Variants in CHLSN observed in about 807,000 individuals in gnomAD.
The protein encoded by CHLSN is protein cholesin.
the CHLSN span, among the ~76,000 whole-genome samples, chr7:1,020,884 G>A: frequency 1.3e-5 from 2 of 152,202 alleles, no homozygotes; most frequent in Non-Finnish European, 2.9e-5. Flanking sequence ...CGTTTGTAAC[G>A]TCCTGATACA....
At chr7:1,041,287 G>GCCGCGGGGAACGGGAC in the CHLSN span, among the ~76,000 whole-genome samples, 1 of 120,778 alleles carries the variant, frequency 8.3e-6, no homozygotes, top group African/African-American at 3.1e-5. Context: ...TGGGCTCCGC[G>GCCGCGGGGAACGGGAC]CTGCGGGGAA....
At chr7:1,033,070 G>A in the CHLSN span, among the ~76,000 whole-genome samples, 48 of 152,324 alleles carry the variant, frequency 3.2e-4, no homozygotes, top group South Asian at 6.2e-4. Flanking sequence ...ACCTCGATAC[G>A]AGGGAACACA....
chr7:1,025,783 G>A, the CHLSN span: 1 of 152,302 alleles, frequency 6.6e-6, no homozygotes, highest in Non-Finnish European at 1.5e-5. Flanking sequence ...GGAAACTCCT[G>A]CATCACCAGC....
chr7:1,062,960 C>G, the CHLSN span, among the ~76,000 whole-genome samples: 1 of 152,200 alleles, frequency 6.6e-6, no homozygotes. Context: ...CCACCCTAAC[C>G]CTAACCCTCA....
chr7:985,835 T>C, the CHLSN span, among the ~76,000 whole-genome samples: 1 of 152,232 alleles, frequency 6.6e-6, no homozygotes, highest in Non-Finnish European at 1.5e-5. Flanking sequence ...GTGTGATACC[T>C]GCATCACGGC....
At chr7:1,060,001 TGTAGTGGGGCGGGTCCG>T in the CHLSN span, among the ~76,000 whole-genome samples, 2 of 12,294 alleles carry the variant, frequency 1.6e-4, no homozygotes, top group East Asian at 7.9e-3. Flanking sequence ...GGGGCGGGTC[TGTAGTGGGGCGGGTCCG>T]TAGTGAAGCG....
At chr7:1,012,261 G>A in the CHLSN span, among the ~76,000 whole-genome samples, 1 of 152,252 alleles carries the variant, frequency 6.6e-6, no homozygotes, top group African/African-American at 2.4e-5. Context: ...ACCCGGACAG[G>A]CCCTGAGCAG....
the CHLSN span, among the ~76,000 whole-genome samples, chr7:1,070,882 A>G: frequency 6.7e-6 from 1 of 148,662 alleles, no homozygotes; most frequent in Admixed American, 6.6e-5. Flanking sequence ...ACACGTGCAC[A>G]TGCACACACG....
chr7:1,127,173 C>G, the CHLSN span: 1 of 1,473,174 alleles, frequency 6.8e-7, no homozygotes, highest in Non-Finnish European at 9.0e-7. Flanking sequence ...CAGAGACCAG[C>G]AGGCTGAGCC....
chr7:1,028,162 G>C, the CHLSN span: 1 of 872,266 alleles, frequency 1.1e-6, no homozygotes, highest in Non-Finnish European at 1.4e-6. Flanking sequence ...GCCTCCCACG[G>C]GAGCGCCCAC....
chr7:1,010,122 C>G, the CHLSN span: 2 of 1,611,974 alleles, frequency 1.2e-6, no homozygotes, highest in Non-Finnish European at 1.7e-6. Flanking sequence ...GCGTCCAGCC[C>G]GGGCCTGAGC....
At chr7:1,085,815 A>G in the CHLSN span, among the ~76,000 whole-genome samples, 1 of 151,910 alleles carries the variant, frequency 6.6e-6, no homozygotes, top group African/African-American at 2.4e-5. Context: ...CCTGGGCAAC[A>G]GAGCAAAATC....
the CHLSN span, among the ~76,000 whole-genome samples, chr7:1,014,502 C>T: frequency 0.017 from 2,577 of 152,366 alleles, 77 homozygotes; most frequent in African/African-American, 0.059. Flanking sequence ...TTCGCCACAA[C>T]ACACTGGCTC....
chr7:1,094,333 C>G, the CHLSN span, among the ~76,000 whole-genome samples: 2 of 152,250 alleles, frequency 1.3e-5, no homozygotes, highest in African/African-American at 2.4e-5. Context: ...CAGAAACCTG[C>G]GCAGGGCGTC....
At chr7:1,034,988 G>A in the CHLSN span, among the ~76,000 whole-genome samples, 1 of 152,220 alleles carries the variant, frequency 6.6e-6, no homozygotes, top group South Asian at 2.1e-4. Context: ...TCTTTTTAAT[G>A]GCTGCATAGT....
the CHLSN span, among the ~76,000 whole-genome samples, chr7:982,100 A>G: frequency 6.6e-6 from 1 of 152,224 alleles, no homozygotes; most frequent in African/African-American, 2.4e-5. Flanking sequence ...CTAGGCAGGT[A>G]GGACCCCCAG....
At chr7:1,126,277 A>G in the CHLSN span, among the ~76,000 whole-genome samples, 2 of 144,796 alleles carry the variant, frequency 1.4e-5, no homozygotes, top group Non-Finnish European at 3.0e-5. Flanking sequence ...AGGAGAGTGC[A>G]TGAACCTGGG....
chr7:1,015,591 C>A, the CHLSN span, among the ~76,000 whole-genome samples: 1 of 152,204 alleles, frequency 6.6e-6, no homozygotes, highest in South Asian at 2.1e-4. Context: ...GTGGGGAGAC[C>A]CAGGGCTGAC....
the CHLSN span, among the ~76,000 whole-genome samples, chr7:1,031,460 T>C: frequency 1.4e-5 from 1 of 69,808 alleles, no homozygotes; most frequent in Non-Finnish European, 2.9e-5. Context: ...GAGGGCAGAG[T>C]GGTCCGGGGG....
Sources: gnomAD v4.1 joint callset for allele counts (sites outside exome capture counted in the v4.1 genomes callset) on GRCh38, gnomAD v4.1.1 for gene constraint, MANE v1.5 for transcripts, NCBI Gene and HGNC (gene_info 2026-07-23, HGNC 2026-07-21) for gene names.